The following CLCA4 variants were observed in gnomAD, a reference collection of about 807,000 sequenced individuals.
CLCA4 encodes calcium-activated chloride channel regulator 4.
In CLCA4, 69 loss-of-function variants were observed where a neutral mutation model predicts 78.9. The ratio of observed to expected loss-of-function variants is 0.87; its 90% CI spans 0.72 to 1.07. CLCA4 has a LOEUF of 1.07. Among genes scored for constraint, CLCA4 ranks in the 50% least tolerant of loss-of-function variants. The pLI is 0.00. For missense variants in CLCA4, 1,133 were observed against 1,095.8 expected, an observed-to-expected ratio of 1.03 and a Z score of -0.48; for synonymous variants, 362 against 375.8, an observed-to-expected ratio of 0.96 and a Z score of 0.42.
At position 86,571,147 on chromosome 1, in the gene CLCA4, C is replaced by T. The variant is rs536753671; in HGVS notation, c.1253C>T (p.Thr418Ile). 6.2e-7 allele frequency: 1 copy of T among 1,612,846 alleles called. No homozygotes were observed. Among genetic ancestry groups the T allele is most frequent in the South Asian group, 1.1e-5 (1 of 91,034 alleles). ...CTGCTGACTGATGGGGAGGATAACACTGCAAGTTCTTGTATTGATGAAGTG... is the reference window on the plus strand; with the variant it reads ...CTGCTGACTGATGGGGAGGATAACATTGCAAGTTCTTGTATTGATGAAGTG... ...VLLLTDGEDN[T>I]ASSCIDEVKQ... is the part of the protein sequence containing the mutation. The change falls in exon 8 of 14, where the codon ACT (threonine) becomes ATT (isoleucine). Residue 418 changes from threonine (T) to isoleucine (I), a missense_variant. By Grantham distance (89) the Thr-to-Ile change is moderately conservative. Transcript: ENST00000370563.
rs773827567 is a variant in CLCA4 at position 86,572,675 on chromosome 1, G to T, written c.1422G>T (p.Gly474=). ...ACAATGGCCTCATTGATGCTTTTGG[G>T]GCTCTTACATCAGGAAATACTGATC... ...AQNNGLIDAF[G]ALTSGNTDLS... Residue 474 remains glycine, a synonymous_variant, in exon 9 of 14, where the codon GGG becomes GGT. Coordinates refer to ENST00000370563, the MANE Select transcript of CLCA4 (RefSeq NM_012128.4). 2 of 1,608,940 alleles carry T rather than the reference G, an allele frequency of 1.2e-6. No homozygotes were observed. The highest frequency in any genetic ancestry group is 2.2e-5 in the South Asian group (2 of 90,970).
Position 86,548,058 on chromosome 1 carries a change from T to A in CLCA4, c.159+780T>A, listed in dbSNP as rs189979871. ...CCATAATGGCTGTATCAACTTACAT[T>A]TTCACCAATGGTATATAATAGGTCT... On this transcript the variant is annotated intron_variant, in intron 1 of 13. Transcript: ENST00000370563. Among the ~76,000 whole-genome samples, 29 of 152,284 alleles carry A rather than the reference T, an allele frequency of 1.9e-4. No homozygotes were observed. In the East Asian group the frequency reaches 5.0e-3, roughly 26 times the overall value.
At chr1:86,552,760 A>C in intron 1 of CLCA4, 1 of 1,427,670 alleles carries the variant, frequency 7.0e-7, no homozygotes, top group South Asian at 1.1e-5. Flanking sequence ...CATGCCTGTC[A>C]GTACTGTGTC....
Position 86,547,198 on chromosome 1 carries a change from A to G in CLCA4, c.79A>G (p.Asn27Asp). 2 of 1,612,164 alleles carry G rather than the reference A, an allele frequency of 1.2e-6. No homozygotes were observed. Among genetic ancestry groups the G allele is most frequent in the African/African-American group, 1.3e-5 (1 of 74,970 alleles). Residue 27 changes from asparagine to aspartate, a missense_variant, in exon 1 of 14, where the codon AAT (asparagine) becomes GAT (aspartate). Transcript: ENST00000370563. The stretch of plus-strand genomic sequence containing the variant: ...GTCAAATACTTCCTTCATTAAGCTG[A>G]ATAATAATGGCTTTGAAGATATTGT... ...HQSNTSFIKLNNNGFEDIVIV... is the reference protein window; with the variant it reads ...HQSNTSFIKLDNNGFEDIVIV...
chr1:86,565,692 C>A, intron 5 of CLCA4, 110 bp from the exon 6 acceptor site: 1 of 676,622 alleles, frequency 1.5e-6, no homozygotes, highest in Non-Finnish European at 2.3e-6. Flanking sequence ...AATGATATTT[C>A]ATTCAACAAA....
chr1:86,558,902 G>C (rs1007944832), intron 1 of CLCA4, among the ~76,000 whole-genome samples: 1 of 152,126 alleles, frequency 6.6e-6, no homozygotes, highest in African/African-American at 2.4e-5. Context: ...GGTTTCAGCT[G>C]AGAGGTCCAC....
rs750075471 is a variant in CLCA4, at chr1:86,575,310, A to G, written c.1684-22A>G. The G allele has an allele frequency of 1.4e-5, 22 of 1,597,756 alleles. No individual in the cohort carries two copies. In the Admixed American group the frequency reaches 3.0e-4, roughly 22 times the overall value. On this transcript the variant is annotated intron_variant, in intron 10 of 13. Transcript: ENST00000370563. Reference sequence around the variant, plus strand: ...AGTAGCTTGACTTTGGATACTTACTATATTTCTGTTGAAACTTTTAGGTGG... The same window carrying G: ...AGTAGCTTGACTTTGGATACTTACTGTATTTCTGTTGAAACTTTTAGGTGG...
chr1:86,580,400 A>G lies in CLCA4; in HGVS notation c.*55A>G. 1 of 1,318,248 alleles carries G rather than the reference A, an allele frequency of 7.6e-7. No individual in the cohort carries two copies. Among genetic ancestry groups the G allele is most frequent in the East Asian group, 2.4e-5 (1 of 42,292 alleles). 81.7% of individuals were successfully genotyped at this position (1,318,248 alleles called of 1,614,324 possible). A position where few individuals can be genotyped will look rare whatever the true frequency, so the allele number is the denominator to read the frequency against. On this transcript the variant is annotated 3_prime_UTR_variant, in exon 14 of 14. Coordinates refer to ENST00000370563, the MANE Select transcript of CLCA4 (RefSeq NM_012128.4). ...GACCTAGAAGAGAGTTTTAAAAAAC[A>G]AAACAATGTAAGTAAAGGATATTTC... is the stretch of plus-strand genomic sequence containing the variant.
chr1:86,565,616 C>T (rs1650158987), intron 5 of CLCA4, among the ~76,000 whole-genome samples, 165 bp downstream of exon 5: 1 of 151,942 alleles, frequency 6.6e-6, no homozygotes. Context: ...CTAGTGTTAT[C>T]TATTATTACG....
rs1197492005 is a variant in CLCA4 at position 86,580,056 on chromosome 1, A to G, written c.2471A>G (p.Glu824Gly). 1.9e-6 allele frequency: 3 copies of G among 1,612,912 alleles called. No homozygotes were observed. Among genetic ancestry groups the G allele is most frequent in the African/African-American group, 2.7e-5 (2 of 74,844 alleles). Reference protein sequence around the residue: ...DLSPKEANSKESFAFKPENIS... With the variant: ...DLSPKEANSKGSFAFKPENIS... Reference sequence around the variant, plus strand: ...TCACCAAAGGAGGCCAACTCCAAGGAAAGCTTTGCATTTAAACCAGAAAAT... The same window carrying G: ...TCACCAAAGGAGGCCAACTCCAAGGGAAGCTTTGCATTTAAACCAGAAAAT... Residue 824 changes from glutamate to glycine, a missense_variant, in exon 14 of 14, where the codon GAA (glutamate) becomes GGA (glycine). Glu to Gly is a moderately conservative substitution (Grantham distance 98). Coordinates refer to ENST00000370563, the MANE Select transcript of CLCA4 (RefSeq NM_012128.4).
In CLCA4 at chr1:86,567,473, T is replaced by G. The variant is rs1305156758; in HGVS notation, c.1004T>G (p.Leu335Arg). Residue 335 changes from leucine to arginine, a missense_variant, in exon 7 of 14, where the codon CTG (leucine) becomes CGG (arginine). Physicochemically the swap from Leu to Arg is moderately radical, Grantham distance 102. Transcript: ENST00000370563. ...RMNQAAKHFLLQTVENGSWVG... is the reference protein window; with the variant it reads ...RMNQAAKHFLRQTVENGSWVG... The stretch of plus-strand genomic sequence containing the variant: ...AATCAAGCAGCAAAACATTTCCTGC[T>G]GCAGACTGTTGAAAATGGATCCTGG... 2 of 1,613,356 alleles carry G rather than the reference T, an allele frequency of 1.2e-6. No individual in the cohort carries two copies. Among genetic ancestry groups the G allele is most frequent in the African/African-American group, 1.3e-5 (1 of 75,000 alleles).
chr1:86,563,696 T>A lies in CLCA4; in HGVS notation c.484T>A (p.Trp162Arg). Residue 162 changes from tryptophan (W) to arginine (R), a missense_variant, in exon 4 of 14, where the codon TGG becomes AGG. Coordinates refer to ENST00000370563, the MANE Select transcript of CLCA4 (RefSeq NM_012128.4). The part of the protein sequence containing the change: ...LFVHEWAHLR[W>R]GVFDEYNEDQ... ...TGTCCATGAGTGGGCTCACCTCCGG[T>A]GGGGAGTGTTTGATGAGTACAATGA... The A allele has an allele frequency of 6.2e-7, 1 of 1,604,206 alleles. No homozygotes were observed. The highest frequency in any genetic ancestry group is 8.5e-7 in the Non-Finnish European group (1 of 1,174,728).
At chr1:86,553,183 G>A in intron 1 of CLCA4, 1 of 1,141,012 alleles carries the variant, frequency 8.8e-7, no homozygotes, top group Non-Finnish European at 1.3e-6. Context: ...CACAGGTTGG[G>A]CTCCACAAGC....
intron 1 of CLCA4, among the ~76,000 whole-genome samples, chr1:86,548,242 C>T (rs1332046978): frequency 6.6e-6 from 1 of 152,002 alleles, no homozygotes; most frequent in Non-Finnish European, 1.5e-5. Flanking sequence ...TGTTTGTCTT[C>T]TTTTGAGAAA....
chr1:86,552,684 TG>T, intron 1 of CLCA4: 1 of 1,058,180 alleles, frequency 9.5e-7, no homozygotes, highest in Non-Finnish European at 1.5e-6. Flanking sequence ...CAGATGGAGC[TG>T]GGGCACGGGG....
chr1:86,576,921 A>G (rs962901613), intron 11 of CLCA4, among the ~76,000 whole-genome samples: 10 of 152,074 alleles, frequency 6.6e-5, no homozygotes, highest in Non-Finnish European at 1.3e-4. Context: ...TTAAGAGGTT[A>G]ATGAGCAAGG....
chr1:86,547,084 A>C lies in CLCA4; in HGVS notation c.-36A>C, dbSNP rs1349402103. On this transcript the variant is annotated 5_prime_UTR_variant, in exon 1 of 14. Transcript: ENST00000370563. ...AAGAAAAGAAAAGCCTCTTGAACAA[A>C]CCAACATTTGAGCCAGGAATAACTA... The C allele has an allele frequency of 5.1e-6, 8 of 1,579,510 alleles. No homozygotes were observed. Among genetic ancestry groups the C allele is most frequent in the Non-Finnish European group, 5.1e-6 (6 of 1,170,782 alleles).
chr1:86,576,094 C>T (rs1026257241), intron 11 of CLCA4, among the ~76,000 whole-genome samples: 5 of 151,912 alleles, frequency 3.3e-5, no homozygotes, highest in Non-Finnish European at 2.9e-5. Context: ...TCCGTCTCAA[C>T]GACAACAAAA....
rs781478959 is a variant in CLCA4, at chr1:86,575,536, AC to A, written c.1889del (p.Thr630MetfsTer47). Reference protein sequence around the residue: ...GYVPVLGANVTAFIESQNGHT... With the variant: ...GYVPVLGANVXAFIESQNGHT... Reference sequence around the variant, plus strand: ...TGTACCTGTTCTTGGAGCCAATGTGACTGCTTTCATTGAATCACAGAATGGA... The same window carrying A: ...TGTACCTGTTCTTGGAGCCAATGTGATGCTTTCATTGAATCACAGAATGGA... On this transcript the variant is annotated frameshift_variant, in exon 11 of 14. Transcript: ENST00000370563. LOFTEE classifies it high-confidence loss of function. The A allele has an allele frequency of 6.2e-7, 1 of 1,613,372 alleles. No homozygotes were observed. The highest frequency in any genetic ancestry group is 8.5e-7 in the Non-Finnish European group (1 of 1,179,516).
Sources: allele counts gnomAD v4.1 joint callset (sites outside exome capture counted in the v4.1 genomes callset), GRCh38; gene constraint gnomAD v4.1.1; transcripts MANE v1.5; gene names NCBI Gene and HGNC (gene_info 2026-07-23, HGNC 2026-07-21).